SLITRK3: variants seen among roughly 807,000 people sequenced by gnomAD.
SLITRK3 encodes the protein SLIT and NTRK like family member 3.
A neutral mutation model predicts 63.6 loss-of-function variants in SLITRK3; 16 were observed. That is an observed-to-expected ratio of 0.25 (90% CI 0.17 to 0.38). The LOEUF (loss-of-function observed/expected upper bound fraction) is 0.38, where lower values mean the gene tolerates loss of function less well. SLITRK3 is among the 10% of genes least tolerant of loss of function. The probability of loss-of-function intolerance (pLI) is 1.00; values close to 1 mark genes in which losing one functional copy is unlikely to be tolerated. For synonymous variants in SLITRK3, 547 were observed against 451.6 expected, an observed-to-expected ratio of 1.21 and a Z score of -2.68; for missense variants, 1,117 against 1,181.4, an observed-to-expected ratio of 0.95 and a Z score of 0.80.
rs1718134620 is a variant in SLITRK3, at chr3:165,189,934, T to C, written c.897A>G (p.Ser299=). Reference sequence around the variant, plus strand: ...TTGGCCATGCATTCTCCTTACTTGATGACGAATGTGGAATTCCCAAACTAG... The same window carrying C: ...TTGGCCATGCATTCTCCTTACTTGACGACGAATGTGGAATTCCCAAACTAG... ...VEASLGIPHS[S]SSKENAWPTK... Residue 299 remains serine (S), a synonymous_variant, in exon 2 of 2, where the codon TCA becomes TCG. Coordinates refer to ENST00000475390, the MANE Select transcript of SLITRK3 (RefSeq NM_001318810.2). This position sits in a 1 kb window ranked among gnomAD's most constrained non-coding sequence, Gnocchi z 4.0. 1 of 1,614,136 alleles carries C rather than the reference T, an allele frequency of 6.2e-7. No homozygotes were observed. The highest frequency in any genetic ancestry group is 8.5e-7 in the Non-Finnish European group (1 of 1,180,024).
rs1718393662 is a variant in SLITRK3 at position 165,195,790 on chromosome 3, C to T, written c.-232G>A. The T allele has an allele frequency of 6.5e-6, 1 of 152,718 alleles. No homozygotes were observed. Among genetic ancestry groups the T allele is most frequent in the South Asian group, 2.1e-4 (1 of 4,830 alleles). The allele number at this position is 152,718 out of a possible 1,614,324, so 9.5% of individuals were successfully genotyped here. A position where few individuals can be genotyped will look rare whatever the true frequency, so the allele number is the denominator to read the frequency against. On this transcript the variant is annotated 5_prime_UTR_variant, in exon 1 of 2. Transcript: ENST00000475390. ...TTTGAGACTTGCAGGGAAATGGTCG[C>T]TGCATACCAATGGGAGAGCGGGGCG...
At chr3:165,196,630 A>G (rs1247676529), upstream of SLITRK3, 3 of 152,458 alleles carry the variant, frequency 2.0e-5, no homozygotes, top group East Asian at 5.8e-4. Context: ...GGTCGTGTAT[A>G]AGGAGTCAAT....
rs749006219 is a variant in SLITRK3 at position 165,189,977 on chromosome 3, GACA to G, written c.851_853del (p.Leu284del). On this transcript the variant is annotated inframe_deletion, in exon 2 of 2. Transcript: ENST00000475390. The surrounding 1 kb of genome is among the most constrained non-coding windows in gnomAD (Gnocchi z 4.0). Reference sequence around the variant, plus strand: ...CAAACTAGCCTCTACCTCAGAGTCAGACAACAAGGGACAGAGTTCTGTCTTCCT... The same window carrying G: ...CAAACTAGCCTCTACCTCAGAGTCAGACAAGGGACAGAGTTCTGTCTTCCT... 4.3e-6 allele frequency: 7 copies of G among 1,614,138 alleles called. No individual in the cohort carries two copies. The South Asian group carries it at 7.7e-5, about 18-fold the overall frequency.
At chr3:165,192,968 T>C (rs1157304657) in intron 1 of SLITRK3, among the ~76,000 whole-genome samples, 1 of 152,102 alleles carries the variant, frequency 6.6e-6, no homozygotes, top group East Asian at 1.9e-4. Flanking sequence ...CAGACTTCTC[T>C]CGCTCCGGCT....
chr3:165,197,067 G>A (rs1016665503), upstream of SLITRK3: 13 of 152,028 alleles, frequency 8.6e-5, no homozygotes, highest in African/African-American at 3.1e-4. Flanking sequence ...CTGTGAAATT[G>A]AGTGTCGGGA....
At position 165,190,712 on chromosome 3, in the gene SLITRK3, A is replaced by G; in HGVS notation, c.119T>C (p.Ile40Thr). ...PIPLIEDSEE[I>T]DEPCFDPCYC... ...GCATGGATCAAAACAGGGCTCATCT[A>G]TTTCCTCTGAGTCCTCTATTAGGGG... is the stretch of plus-strand genomic sequence containing the variant. The change falls in exon 2 of 2, where the codon ATA (isoleucine) becomes ACA (threonine). Residue 40 changes from isoleucine (I) to threonine (T), a missense_variant. By Grantham distance (89) the Ile-to-Thr change is moderately conservative. Transcript: ENST00000475390. The G allele has an allele frequency of 6.2e-7, 1 of 1,614,060 alleles. No homozygotes were observed. Among genetic ancestry groups the G allele is most frequent in the Non-Finnish European group, 8.5e-7 (1 of 1,179,996 alleles).
chr3:165,194,893 G>A (rs1718364551), intron 1 of SLITRK3, among the ~76,000 whole-genome samples: 1 of 152,218 alleles, frequency 6.6e-6, no homozygotes, highest in South Asian at 2.1e-4. Context: ...AGGACAGGGA[G>A]GGCTCCAAAA....
chr3:165,190,567 A>G lies in SLITRK3; in HGVS notation c.264T>C (p.Ser88=), dbSNP rs1233866874. ...AACTGTTGGTATATAATTTCCTCATAGAATTCCTCTGCAGATACAGTTTAA... is the reference window on the plus strand; with the variant it reads ...AACTGTTGGTATATAATTTCCTCATGGAATTCCTCTGCAGATACAGTTTAA... ...RPFKLYLQRN[S]MRKLYTNSFL... The change falls in exon 2 of 2, where the codon TCT becomes TCC. Residue 88 remains serine, a synonymous_variant. Transcript: ENST00000475390. 1.9e-6 allele frequency: 3 copies of G among 1,613,984 alleles called. No individual in the cohort carries two copies. Among genetic ancestry groups the G allele is most frequent in the Non-Finnish European group, 2.5e-6 (3 of 1,179,992 alleles).
At chr3:165,190,875 A>AT (rs1369422687) in intron 1 of SLITRK3, 24 bp from the exon 2 acceptor site, 6 of 1,505,016 alleles carry the variant, frequency 4.0e-6, no homozygotes, top group Non-Finnish European at 5.3e-6. Context: ...AAAAATGCAG[A>AT]TTTTTAGCTT....
At position 165,190,190 on chromosome 3, in the gene SLITRK3, C is replaced by T. The variant is rs748228388; in HGVS notation, c.641G>A (p.Arg214Gln). 1.9e-5 allele frequency: 31 copies of T among 1,613,990 alleles called. No individual in the cohort carries two copies. Among genetic ancestry groups the T allele is most frequent in the Non-Finnish European group, 2.4e-5 (28 of 1,180,038 alleles). Residue 214 changes from arginine (R) to glutamine (Q), a missense_variant, in exon 2 of 2, where the codon CGA becomes CAA. Arg to Gln is a conservative substitution (Grantham distance 43). Coordinates refer to ENST00000475390, the MANE Select transcript of SLITRK3 (RefSeq NM_001318810.2). Reference sequence around the variant, plus strand: ...TCTGCCAATGTGATCTAGCATTCCTCGGTAAAAAAGAACCTTTAACCTATT... The same window carrying T: ...TCTGCCAATGTGATCTAGCATTCCTTGGTAAAAAAGAACCTTTAACCTATT... ...RGNRLKVLFY[R>Q]GMLDHIGRSL...
In SLITRK3 at chr3:165,188,418, G is replaced by T. The variant is rs1427813690; in HGVS notation, c.2413C>A (p.His805Asn). 6.2e-7 allele frequency: 1 copy of T among 1,613,858 alleles called. No homozygotes were observed. The highest frequency in any genetic ancestry group is 8.5e-7 in the Non-Finnish European group (1 of 1,179,944). ...TCCAGCAAGGTCCGGTAGTTACTAT[G>T]GTTCTCCTTGGGTGTCTCAGCAAAC... ...EQFAETPKEN[H>N]SNYRTLLEKE... The change falls in exon 2 of 2, where the codon CAT becomes AAT. Residue 805 changes from histidine (H) to asparagine (N), a missense_variant. His to Asn is a moderately conservative substitution (Grantham distance 68). Transcript: ENST00000475390.
chr3:165,191,704 CA>C (rs974996601), intron 1 of SLITRK3, among the ~76,000 whole-genome samples: 1 of 152,152 alleles, frequency 6.6e-6, no homozygotes, highest in African/African-American at 2.4e-5. Context: ...TGAATTAAAA[CA>C]TTTGCAAAAC....
chr3:165,190,524 C>A lies in SLITRK3; in HGVS notation c.307G>T (p.Ala103Ser). ...TTGTTCCCAAGATTAATAGACACAG[C>A]ATTATTCAAATGAAGAAAACTGTTG... ...YTNSFLHLNN[A>S]VSINLGNNAL... Residue 103 changes from alanine (A) to serine (S), a missense_variant, in exon 2 of 2, where the codon GCT becomes TCT. Physicochemically the swap from Ala to Ser is moderately conservative, Grantham distance 99. Coordinates refer to ENST00000475390, the MANE Select transcript of SLITRK3 (RefSeq NM_001318810.2). 2 of 1,613,582 alleles carry A rather than the reference C, an allele frequency of 1.2e-6. No homozygotes were observed. The highest frequency in any genetic ancestry group is 1.1e-5 in the South Asian group (1 of 91,076).
intron 1 of SLITRK3, among the ~76,000 whole-genome samples, chr3:165,195,213 A>G (rs1168621443): frequency 6.6e-6 from 1 of 152,232 alleles, no homozygotes; most frequent in Non-Finnish European, 1.5e-5. Context: ...GGCGAAACGC[A>G]CAATGGTCTG....
At chr3:165,194,415 G>A (rs1481011586) in intron 1 of SLITRK3, among the ~76,000 whole-genome samples, 3 of 152,084 alleles carry the variant, frequency 2.0e-5, no homozygotes, top group Non-Finnish European at 4.4e-5. Context: ...GGAGTCCACT[G>A]GCAGACAGTA....
At chr3:165,191,868 C>T (rs886896863) in intron 1 of SLITRK3, among the ~76,000 whole-genome samples, 1 of 152,178 alleles carries the variant, frequency 6.6e-6, no homozygotes, top group African/African-American at 2.4e-5. Context: ...TGATCTATCA[C>T]ACGAAATAAA....
At chr3:165,194,389 T>A (rs1718344925) in intron 1 of SLITRK3, among the ~76,000 whole-genome samples, 1 of 152,138 alleles carries the variant, frequency 6.6e-6, no homozygotes, top group Non-Finnish European at 1.5e-5. Context: ...TATTTTGCAT[T>A]TAAAATGACC....
rs1718070637 is a variant in SLITRK3, at chr3:165,188,893, A to G, written c.1938T>C (p.Pro646=). The G allele has an allele frequency of 1.9e-6, 3 of 1,614,036 alleles. No individual in the cohort carries two copies. Among genetic ancestry groups the G allele is most frequent in the East Asian group, 2.2e-5 (1 of 44,870 alleles). The part of the protein sequence containing the change: ...PTSASPYEFS[P]PGGPVPLSVL... ...CAGAAAGTGGCACAGGGCCCCCAGG[A>G]GGAGAAAACTCATAAGGTGATGCAC... The change falls in exon 2 of 2, where the codon CCT becomes CCC. Residue 646 remains proline, a synonymous_variant. Transcript: ENST00000475390.
At chr3:165,196,957 TCTCTCG>T (rs201899313), upstream of SLITRK3, 1,670 of 148,340 alleles carry the variant, frequency 0.011, 31 homozygotes, top group Non-Finnish European at 0.015. Context: ...TCTCGCTCTC[TCTCTCG>T]CTCTCGCTCT....
Sources: gnomAD v4.1 joint callset for allele counts (sites outside exome capture counted in the v4.1 genomes callset) on GRCh38, gnomAD v4.1.1 for gene constraint, Gnocchi (gnomAD v3.1) non-coding constraint, MANE v1.5 for transcripts, NCBI Gene and HGNC (gene_info 2026-07-23, HGNC 2026-07-21) for gene names.